The following NBAS variants were observed in gnomAD, a reference collection of about 807,000 sequenced individuals.
The protein encoded by NBAS is NAG/BC035112 fusion.
Under a neutral mutation model 302.5 loss-of-function variants are expected in NBAS, and 219 were observed. The observed-to-expected ratio is 0.72, with a 90% CI of 0.65 to 0.81. The LOEUF (loss-of-function observed/expected upper bound fraction) is 0.81. Ranked by LOEUF, NBAS falls within the 30% of genes least tolerant of loss-of-function variation. The pLI is 0.00. For synonymous variants in NBAS, 1,118 were observed against 1,021.6 expected (o/e 1.09, Z -1.80); for missense variants, 2,932 against 2,841.6 (o/e 1.03, Z -0.72).
At chr2:14,883,122 A>C in the NBAS span, among the ~76,000 whole-genome samples, 3 of 152,234 alleles carry the variant, frequency 2.0e-5, no homozygotes, top group Non-Finnish European at 4.4e-5. Context: ...TTACATATTA[A>C]AGATTCTATT....
chr2:15,152,570 T>C, the NBAS span, among the ~76,000 whole-genome samples: 1 of 152,198 alleles, frequency 6.6e-6, no homozygotes, highest in Non-Finnish European at 1.5e-5. Context: ...CCATATGAGG[T>C]AAATGCCAAG....
intron 11 of NBAS, among the ~76,000 whole-genome samples, chr2:15,497,067 A>C (rs774793356): frequency 2.0e-5 from 3 of 152,144 alleles, no homozygotes; most frequent in Non-Finnish European, 4.4e-5. Flanking sequence ...CTACAAAGAA[A>C]AGAACATGGC....
chr2:15,086,251 C>T, the NBAS span, among the ~76,000 whole-genome samples: 1 of 152,136 alleles, frequency 6.6e-6, no homozygotes, highest in South Asian at 2.1e-4. Flanking sequence ...CCAGGGTCTC[C>T]CCTCTGAGAG....
intron 33 of NBAS, among the ~76,000 whole-genome samples, chr2:15,355,147 C>A (rs1673551903): frequency 6.6e-6 from 1 of 152,192 alleles, no homozygotes; most frequent in South Asian, 2.1e-4. Context: ...TTGCACAAAT[C>A]ATTAGTGCAG....
At chr2:15,164,435 C>T (rs1663967262), downstream of NBAS, among the ~76,000 whole-genome samples, 1 of 152,212 alleles carries the variant, frequency 6.6e-6, no homozygotes, top group African/African-American at 2.4e-5. Flanking sequence ...TAATTAGTAA[C>T]TTAAGCATTA....
chr2:15,154,929 G>A, the NBAS span, among the ~76,000 whole-genome samples: 4 of 152,182 alleles, frequency 2.6e-5, no homozygotes, highest in African/African-American at 9.7e-5. Flanking sequence ...GGTGGAAGCC[G>A]GTGATTCTTA....
intron 24 of NBAS, 145 bp downstream of exon 24, chr2:15,417,382 A>T: frequency 1.4e-6 from 1 of 732,466 alleles, no homozygotes; most frequent in Non-Finnish European, 2.2e-6. Context: ...GTTATGCATA[A>T]TATTTTACTG....
chr2:14,965,303 G>C, the NBAS span, among the ~76,000 whole-genome samples: 1 of 152,056 alleles, frequency 6.6e-6, no homozygotes, highest in Middle Eastern at 3.2e-3. Flanking sequence ...AGACTGGTTA[G>C]TTAGAAACAA....
chr2:15,100,364 T>C, the NBAS span, among the ~76,000 whole-genome samples: 1 of 152,134 alleles, frequency 6.6e-6, no homozygotes, highest in African/African-American at 2.4e-5. Flanking sequence ...ACACGTGAAA[T>C]TCATTCACAG....
intron 22 of NBAS, among the ~76,000 whole-genome samples, chr2:15,426,042 C>G (rs1677459868): frequency 6.6e-6 from 1 of 152,198 alleles, no homozygotes. Context: ...TCTCCCCAGT[C>G]TCCTCTTCAA....
chr2:15,277,546 A>T (rs1669641838), intron 42 of NBAS, among the ~76,000 whole-genome samples: 1 of 152,226 alleles, frequency 6.6e-6, no homozygotes, highest in Admixed American at 6.5e-5. Flanking sequence ...AAAAAACCCT[A>T]AACTTTCAGG....
the NBAS span, among the ~76,000 whole-genome samples, chr2:15,053,429 C>T: frequency 6.6e-6 from 1 of 152,188 alleles, no homozygotes; most frequent in African/African-American, 2.4e-5. Flanking sequence ...GTCTAAGCCT[C>T]GGTTCACCCA....
At chr2:15,480,571 G>A (rs76464122) in intron 12 of NBAS, among the ~76,000 whole-genome samples, 1,928 of 152,170 alleles carry the variant, frequency 0.013, 30 homozygotes, top group East Asian at 0.059. Context: ...GAAATTCAAG[G>A]GGTACAAAGA....
chr2:14,923,456 C>T, the NBAS span, among the ~76,000 whole-genome samples: 13 of 152,136 alleles, frequency 8.5e-5, no homozygotes, highest in Non-Finnish European at 1.9e-4. Context: ...CTTCATCCAT[C>T]ACATACTTCC....
chr2:15,253,867 A>C (rs539455572), intron 44 of NBAS, among the ~76,000 whole-genome samples: 2 of 152,172 alleles, frequency 1.3e-5, no homozygotes, highest in Non-Finnish European at 2.9e-5. Context: ...GGGAGATCTA[A>C]TTTAGCCAAC....
At chr2:14,915,709 C>T in the NBAS span, among the ~76,000 whole-genome samples, 5 of 152,238 alleles carry the variant, frequency 3.3e-5, no homozygotes, top group Non-Finnish European at 4.4e-5. Context: ...ACTACAGGCA[C>T]CTGCCACCAC....
At chr2:15,328,063 A>C in intron 37 of NBAS, 136 bp downstream of exon 37, 1 of 1,170,768 alleles carries the variant, frequency 8.5e-7, no homozygotes, top group Non-Finnish European at 1.2e-6. Context: ...TATACCAAAA[A>C]AATGTAAAAA....
At chr2:15,380,211 T>G (rs1252761895) in intron 29 of NBAS, among the ~76,000 whole-genome samples, 1 of 152,182 alleles carries the variant, frequency 6.6e-6, no homozygotes, top group Admixed American at 6.5e-5. Context: ...CTTAAAACTA[T>G]TTTTAACCAT....
chr2:15,123,716 C>T, the NBAS span, among the ~76,000 whole-genome samples: 2 of 152,168 alleles, frequency 1.3e-5, no homozygotes, highest in African/African-American at 2.4e-5. Flanking sequence ...TAATTGCAAG[C>T]TTCCTGAGGC....
Sources: gnomAD v4.1 joint callset for allele counts (sites outside exome capture counted in the v4.1 genomes callset) on GRCh38, gnomAD v4.1.1 for gene constraint, MANE v1.5 for transcripts, NCBI Gene and HGNC (gene_info 2026-07-23, HGNC 2026-07-21) for gene names.